ACBD5: variants seen among roughly 807,000 people sequenced by gnomAD.
ACBD5 encodes acyl-CoA-binding domain-containing protein 5.
ACBD5 carries 40 observed loss-of-function variants against 71.8 expected under a neutral mutation model. The ratio of observed to expected loss-of-function variants is 0.56; its 90% CI spans 0.43 to 0.72. The LOEUF (loss-of-function observed/expected upper bound fraction) is 0.72. Ranked by LOEUF, ACBD5 falls within the 30% of genes least tolerant of loss-of-function variation. ACBD5 has a pLI of 0.00. For synonymous variants in ACBD5, 229 were observed against 218.6 expected, an observed-to-expected ratio of 1.05 and a Z score of -0.42; for missense variants, 559 against 644.5, an observed-to-expected ratio of 0.87 and a Z score of 1.44.
At chr10:27,202,775 AAGCAGCAG>A (rs1335461911) in intron 12 of ACBD5, among the ~76,000 whole-genome samples, 1 of 152,078 alleles carries the variant, frequency 6.6e-6, no homozygotes, top group Non-Finnish European at 1.5e-5. Flanking sequence ...ATCTCCCCAT[AAGCAGCAG>A]TGGCACTGAG....
intron 12 of ACBD5, among the ~76,000 whole-genome samples, chr10:27,203,798 T>G (rs915810525): frequency 6.6e-6 from 1 of 151,904 alleles, no homozygotes; most frequent in African/African-American, 2.4e-5. Flanking sequence ...TCCAAATTCC[T>G]TTTTAATTAA....
Position 27,225,213 on chromosome 10 carries a change from T to C in ACBD5, c.376-1761A>G, listed in dbSNP as rs533601852. On this transcript the variant is annotated intron_variant, in intron 4 of 12. Transcript: ENST00000396271. ...CACCTTCAAGCAATTTCAGACACCT[T>C]CATAAGTGATTTGCCCACCTCGGCC... is the stretch of plus-strand genomic sequence containing the variant. Among the ~76,000 whole-genome samples, 11 of 152,066 alleles carry C rather than the reference T, an allele frequency of 7.2e-5. No homozygotes were observed. In the South Asian group the frequency reaches 2.3e-3, roughly 32 times the overall value.
At chr10:27,236,718 G>A (rs762989358) in intron 2 of ACBD5, among the ~76,000 whole-genome samples, 9 of 151,788 alleles carry the variant, frequency 5.9e-5, no homozygotes, top group Admixed American at 6.6e-5. Flanking sequence ...ATGAAACCCC[G>A]TCTCTACTAA....
chr10:27,241,655 G>A (rs2065507043), upstream of ACBD5, among the ~76,000 whole-genome samples: 1 of 115,916 alleles, frequency 8.6e-6, no homozygotes, highest in African/African-American at 3.6e-5. Flanking sequence ...ATTGCTTGAG[G>A]CCAGGAGTTC....
rs377370820 is a variant in ACBD5 at position 27,209,625 on chromosome 10, C to A, written c.1205-1180G>T. Among the ~76,000 whole-genome samples the A allele has an allele frequency of 8.7e-4, 132 of 152,158 alleles. 1 individual carries two copies. Among genetic ancestry groups the A allele is most frequent in the African/African-American group, 3.1e-3 (127 of 41,532 alleles). On this transcript the variant is annotated intron_variant, in intron 9 of 12. Coordinates refer to ENST00000396271, the MANE Select transcript of ACBD5 (RefSeq NM_145698.5). ...GAAGTGAGCCACCACGCCCAGCCAT[C>A]CAAAAGATTTTAAATGTGTTCTTCT...
chr10:27,220,915 T>C (rs908696339), intron 5 of ACBD5, among the ~76,000 whole-genome samples: 1 of 152,262 alleles, frequency 6.6e-6, no homozygotes. Context: ...GCAAACTGTT[T>C]TGCAATTTGG....
chr10:27,188,236 A>G (rs2058893808), intron 13 of ACBD5, among the ~76,000 whole-genome samples: 1 of 152,238 alleles, frequency 6.6e-6, no homozygotes, highest in Non-Finnish European at 1.5e-5. Context: ...TTCTAGTAAA[A>G]TGTTCAAAAT....
chr10:27,208,212 A>C (rs748895600), intron 10 of ACBD5, 34 bp downstream of exon 10: 13 of 1,604,432 alleles, frequency 8.1e-6, no homozygotes, highest in Non-Finnish European at 1.1e-5. Flanking sequence ...AGAATCAATA[A>C]GCACAAGAAG....
downstream of ACBD5, among the ~76,000 whole-genome samples, chr10:27,194,612 A>AAATAAT (rs60916474): frequency 0.48 from 64,836 of 135,150 alleles, 16,521 homozygotes; most frequent in Non-Finnish European, 0.58. Flanking sequence ...ACTCCATCTC[A>AAATAAT]AATAATAATA....
At chr10:27,193,213 T>C (rs2059156612), downstream of ACBD5, 1 of 141,412 alleles carries the variant, frequency 7.1e-6, no homozygotes, top group Non-Finnish European at 1.5e-5. Flanking sequence ...GGCAAGTTAA[T>C]CACCTGAGTT....
At chr10:27,221,753 A>G (rs1483095796) in intron 5 of ACBD5, among the ~76,000 whole-genome samples, 3 of 151,984 alleles carry the variant, frequency 2.0e-5, no homozygotes, top group Admixed American at 6.6e-5. Flanking sequence ...GGCTCTACTA[A>G]AAATACAAAA....
rs1430389955 is a variant in ACBD5 at position 27,196,880 on chromosome 10, A to AAG, written c.*548_*549dup. The AAG allele has an allele frequency of 8.8e-6, 4 of 454,090 alleles. No homozygotes were observed. The highest frequency in any genetic ancestry group is 1.8e-5 in the Non-Finnish European group (4 of 226,788). The allele number at this position is 454,090 out of a possible 1,614,324, so 28.1% of individuals were successfully genotyped here. On this transcript the variant is annotated 3_prime_UTR_variant, in exon 13 of 13. Coordinates refer to ENST00000396271, the MANE Select transcript of ACBD5 (RefSeq NM_145698.5). ...ACTCAAGAGTTGTGAATGCCCAAGA[A>AAG]AGATTATGGGCAGCCCACAAAGTGA... is the stretch of plus-strand genomic sequence containing the variant.
chr10:27,205,836 A>G (rs2060420018), intron 10 of ACBD5, among the ~76,000 whole-genome samples: 1 of 151,956 alleles, frequency 6.6e-6, no homozygotes, highest in East Asian at 1.9e-4. Context: ...GGCCCAATTT[A>G]TTTCTTCTAT....
chr10:27,220,426 A>C (rs1382633379), intron 5 of ACBD5: 2 of 152,830 alleles, frequency 1.3e-5, no homozygotes, highest in African/African-American at 4.8e-5. Context: ...AATACATCAG[A>C]GCTTCTCAAC....
intron 2 of ACBD5, among the ~76,000 whole-genome samples, chr10:27,238,338 A>G (rs2065031285): frequency 6.6e-6 from 1 of 152,240 alleles, no homozygotes; most frequent in Admixed American, 6.5e-5. Flanking sequence ...ACTGTACTTT[A>G]TACAGGTTTC....
At chr10:27,197,881 T>G (rs771736710) in intron 12 of ACBD5, among the ~76,000 whole-genome samples, 29 of 152,166 alleles carry the variant, frequency 1.9e-4, no homozygotes, top group Non-Finnish European at 3.8e-4. Context: ...TCTACCCACC[T>G]CAGCCTCCCA....
At chr10:27,204,758 A>G (rs936876367) in intron 11 of ACBD5, among the ~76,000 whole-genome samples, 1 of 152,200 alleles carries the variant, frequency 6.6e-6, no homozygotes, top group Non-Finnish European at 1.5e-5. Flanking sequence ...ACACAAAACA[A>G]GTATTTTTTA....
Position 27,197,099 on chromosome 10 carries a change from G to T in ACBD5, c.*331C>A. 1 of 477,852 alleles carries T rather than the reference G, an allele frequency of 2.1e-6. No individual in the cohort carries two copies. The highest frequency in any genetic ancestry group is 4.0e-6 in the Non-Finnish European group (1 of 251,472). The allele number at this position is 477,852 out of a possible 1,614,324, so 29.6% of individuals were successfully genotyped here. A position where few individuals can be genotyped will look rare whatever the true frequency, so the allele number is the denominator to read the frequency against. On this transcript the variant is annotated 3_prime_UTR_variant, in exon 13 of 13. Transcript: ENST00000396271. The stretch of plus-strand genomic sequence containing the variant: ...ATGGTACCTTTGAAAAGCAGCTTAT[G>T]TTACTCTATGGAAGATAATCAGGTA...
intron 5 of ACBD5, among the ~76,000 whole-genome samples, chr10:27,221,672 G>A (rs561126155): frequency 2.0e-5 from 3 of 151,702 alleles, no homozygotes; most frequent in Non-Finnish European, 4.4e-5. Context: ...CCAGTGCTTT[G>A]GGAAGCTGAG....
Sources: gnomAD v4.1 joint callset for allele counts (sites outside exome capture counted in the v4.1 genomes callset) on GRCh38, gnomAD v4.1.1 for gene constraint, MANE v1.5 for transcripts, NCBI Gene and HGNC (gene_info 2026-07-23, HGNC 2026-07-21) for gene names.